MRPL28: variants seen among roughly 807,000 people sequenced by gnomAD.
MRPL28 encodes mitochondrial ribosomal protein L28.
A neutral mutation model predicts 26.2 loss-of-function variants in MRPL28; 25 were observed. The observed-to-expected ratio is 0.95, with a 90% CI of 0.69 to 1.33. MRPL28 has a LOEUF of 1.33. MRPL28 is among the 40% of genes most tolerant of loss of function. The probability of loss-of-function intolerance (pLI) is 0.00; values close to 1 mark genes in which losing one functional copy is unlikely to be tolerated. For synonymous variants in MRPL28, 227 were observed against 140.1 expected, an observed-to-expected ratio of 1.62 and a Z score of -4.38; for missense variants, 432 against 327.2, an observed-to-expected ratio of 1.32 and a Z score of -2.47.
chr16:368,804 G>C (rs2054286586), intron 3 of MRPL28, 169 bp from the exon 4 acceptor site: 2 of 1,151,698 alleles, frequency 1.7e-6, no homozygotes, highest in South Asian at 3.2e-5. Context: ...CAGCACAGAA[G>C]CAAGTCCAAG....
chr16:369,104 G>A lies in MRPL28; in HGVS notation c.405C>T (p.Ile135=), dbSNP rs138025164. 2.9e-5 allele frequency: 47 copies of A among 1,613,856 alleles called. No homozygotes were observed. Among genetic ancestry groups the A allele is most frequent in the Middle Eastern group, 1.6e-4 (1 of 6,066 alleles). ...AAAAGTCGAGCCCATAAGCCTCATC[G>A]ATGAGGTCCAGGGTCCGCATGGTCA... ...VTVTMRTLDL[I]DEAYGLDFYI... The change falls in exon 3 of 6, where the codon ATC becomes ATT. Residue 135 remains isoleucine, a synonymous_variant. Coordinates refer to ENST00000199706, the MANE Select transcript of MRPL28 (RefSeq NM_006428.5).
chr16:370,388 C>T (rs183434630), intron 1 of MRPL28, 111 bp downstream of exon 1: 2 of 396 alleles, frequency 5.1e-3, no homozygotes, highest in Non-Finnish European at 9.1e-3. Flanking sequence ...CGGCTCTCAC[C>T]CGCTACCCCC....
chr16:369,861 C>G, intron 2 of MRPL28, 70 bp downstream of exon 2: 1 of 1,542,358 alleles, frequency 6.5e-7, no homozygotes, highest in Non-Finnish European at 8.7e-7. Flanking sequence ...CCAGGTACCC[C>G]GGGCGTCCGG....
In MRPL28 at chr16:367,724, T is replaced by TGCTGCTGCA; in HGVS notation, c.713_721dup (p.Leu238_Gln240dup). ...CACCACCGCCGGCTCTGACAGTGCC[T>TGCTGCTGCA]GCTGCTGCAGCTGCTGGATCAGCTC... On this transcript the variant is annotated inframe_insertion, in exon 6 of 6. Coordinates refer to ENST00000199706, the MANE Select transcript of MRPL28 (RefSeq NM_006428.5). 6.2e-7 allele frequency: 1 copy of TGCTGCTGCA among 1,613,850 alleles called. No individual in the cohort carries two copies. The highest frequency in any genetic ancestry group is 8.5e-7 in the Non-Finnish European group (1 of 1,180,012).
chr16:368,305 T>A (rs1398116273), intron 5 of MRPL28, 23 bp downstream of exon 5: 1 of 1,611,456 alleles, frequency 6.2e-7, no homozygotes, highest in Non-Finnish European at 8.5e-7. Flanking sequence ...GCAGGCAGCA[T>A]CGGCTGGTGC....
At position 368,483 on chromosome 16, in the gene MRPL28, C is replaced by T. The variant is rs368675352; in HGVS notation, c.576+18G>A. On this transcript the variant is annotated intron_variant, in intron 4 of 5. Transcript: ENST00000199706. ...GCCACGAGTCCCCAGGTGTAGGGAG[C>T]GGGACGGAAACCCTCACCTTGTACT... 84 of 1,609,716 alleles carry T rather than the reference C, an allele frequency of 5.2e-5. 1 individual carries two copies. Among genetic ancestry groups the T allele is most frequent in the South Asian group, 3.9e-4 (35 of 90,744 alleles).
chr16:367,784 T>TGAAG lies in MRPL28; in HGVS notation c.664-6_664-3dup. 6.2e-7 allele frequency: 1 copy of TGAAG among 1,612,932 alleles called. No homozygotes were observed. Among genetic ancestry groups the TGAAG allele is most frequent in the East Asian group, 2.2e-5 (1 of 44,882 alleles). On this transcript the variant is annotated splice_region_variant and splice_polypyrimidine_tract_variant and intron_variant, in intron 5 of 5. Coordinates refer to ENST00000199706, the MANE Select transcript of MRPL28 (RefSeq NM_006428.5). ...GATCTTGAACAGGGGTACAGGGTCCTGAAGGAGAGAGGGGCTCATGGTGAG... is the reference window on the plus strand; with the variant it reads ...GATCTTGAACAGGGGTACAGGGTCCTGAAGGAAGGAGAGAGGGGCTCATGGTGAG...
rs146724574 is a variant in MRPL28, at chr16:368,526, C to T, written c.551G>A (p.Arg184Gln). ...PQLHPEDPER[R>Q]AAIYDKYKEF... ...CTTGTACTTGTCGTAGATGGCTGCC[C>T]GCCGCTCGGGGTCCTCGGGGTGCAG... Residue 184 changes from arginine (R) to glutamine (Q), a missense_variant, in exon 4 of 6, where the codon CGG becomes CAG. Coordinates refer to ENST00000199706, the MANE Select transcript of MRPL28 (RefSeq NM_006428.5). 148 of 1,594,908 alleles carry T rather than the reference C, an allele frequency of 9.3e-5. No homozygotes were observed. The highest frequency in any genetic ancestry group is 5.8e-4 in the East Asian group (26 of 44,550).
chr16:368,178 C>A (rs2054278009), intron 5 of MRPL28, 150 bp downstream of exon 5: 4 of 918,100 alleles, frequency 4.4e-6, no homozygotes, highest in Non-Finnish European at 6.8e-6. Context: ...GGGCCATGCT[C>A]CTCTGGGTGG....
rs769624940 is a variant in MRPL28, at chr16:369,098, C to T, written c.411G>A (p.Glu137=). The T allele has an allele frequency of 6.2e-6, 10 of 1,613,996 alleles. No homozygotes were observed. In the South Asian group the frequency reaches 9.9e-5, roughly 16 times the overall value. The change falls in exon 3 of 6, where the codon GAG becomes GAA. Residue 137 remains glutamate (E), a synonymous_variant. Transcript: ENST00000199706. ...VTMRTLDLID[E]AYGLDFYILK... ...GGATGTAAAAGTCGAGCCCATAAGCCTCATCGATGAGGTCCAGGGTCCGCA... is the reference window on the plus strand; with the variant it reads ...GGATGTAAAAGTCGAGCCCATAAGCTTCATCGATGAGGTCCAGGGTCCGCA...
chr16:369,194 C>A lies in MRPL28; in HGVS notation c.315G>T (p.Trp105Cys). The change falls in exon 3 of 6, where the codon TGG becomes TGT. Residue 105 changes from tryptophan to cysteine, a missense_variant. Trp to Cys is a radical substitution (Grantham distance 215). Coordinates refer to ENST00000199706, the MANE Select transcript of MRPL28 (RefSeq NM_006428.5). ...DKLSKRLKKVWKPQLFEREFY... is the reference protein window; with the variant it reads ...DKLSKRLKKVCKPQLFEREFY... ...ACTCTCGCTCAAACAGCTGTGGCTT[C>A]CACACTTTCTTCAGCCTCTTGGAGA... 1 of 1,614,008 alleles carries A rather than the reference C, an allele frequency of 6.2e-7. No individual in the cohort carries two copies. The highest frequency in any genetic ancestry group is 2.2e-5 in the East Asian group (1 of 44,882).
chr16:369,521 A>G (rs2054297609), intron 2 of MRPL28: 2 of 616,716 alleles, frequency 3.2e-6, no homozygotes, highest in South Asian at 3.3e-5. Flanking sequence ...AGGTTGTCAC[A>G]TTCCAACCTG....
chr16:369,765 A>G (rs1217476039), intron 2 of MRPL28, 166 bp downstream of exon 2: 7 of 942,608 alleles, frequency 7.4e-6, no homozygotes, highest in Admixed American at 7.0e-5. Context: ...CCTGTTTGCC[A>G]GAACTGCGGT....
At position 368,984 on chromosome 16, in the gene MRPL28, G is replaced by A. The variant is rs925308529; in HGVS notation, c.441+84C>T. On this transcript the variant is annotated intron_variant, in intron 3 of 5. Transcript: ENST00000199706. ...TCCTGTGCAGATGTCAGCGTGCCCC[G>A]GTGTGATGCTGACCTGGGGCTCCCG... 1.3e-4 allele frequency: 188 copies of A among 1,483,400 alleles called. No individual in the cohort carries two copies. The African/African-American group carries it at 1.6e-3, about 13-fold the overall frequency. 91.9% of individuals were successfully genotyped at this position (1,483,400 alleles called of 1,614,324 possible). A position where few individuals can be genotyped will look rare whatever the true frequency, so the allele number is the denominator to read the frequency against.
rs553883378 is a variant in MRPL28, at chr16:367,308, G to A, written c.*367C>T. 1.3e-3 allele frequency: 788 copies of A among 604,850 alleles called. 3 individuals are homozygous for A. The highest frequency in any genetic ancestry group is 1.8e-3 in the Non-Finnish European group (574 of 326,230). The allele number at this position is 604,850 out of a possible 1,614,324, so 37.5% of individuals were successfully genotyped here. On this transcript the variant is annotated 3_prime_UTR_variant, in exon 6 of 6. Transcript: ENST00000199706. ...CAGAGTCAATGCCCACGGCTCATCC[G>A]AGGTCTCAGGGGCAGCAAGGGCAGG...
At position 368,568 on chromosome 16, in the gene MRPL28, G is replaced by A; in HGVS notation, c.509C>T (p.Ala170Val). The A allele has an allele frequency of 1.9e-6, 3 of 1,596,972 alleles. No homozygotes were observed. The highest frequency in any genetic ancestry group is 1.1e-5 in the South Asian group (1 of 89,138). ...GGGGTGCAGCTGGGGGTCCTGCCGG[G>A]CAAGCCGCAGCAGCATCCCTCGCTT... ...DLKRGMLLRL[A>V]RQDPQLHPED... is the part of the protein sequence containing the mutation. Residue 170 changes from alanine to valine, a missense_variant, in exon 4 of 6, where the codon GCC (alanine) becomes GTC (valine). Ala to Val is a moderately conservative substitution (Grantham distance 64). Coordinates refer to ENST00000199706, the MANE Select transcript of MRPL28 (RefSeq NM_006428.5).
rs1239735564 is a variant in MRPL28 at position 368,392 on chromosome 16, T to C, written c.599A>G (p.Glu200Gly). 1 of 1,613,674 alleles carries C rather than the reference T, an allele frequency of 6.2e-7. No individual in the cohort carries two copies. The highest frequency in any genetic ancestry group is 1.3e-5 in the African/African-American group (1 of 74,978). The change falls in exon 5 of 6, where the codon GAG becomes GGG. Residue 200 changes from glutamate (E) to glycine (G), a missense_variant. Coordinates refer to ENST00000199706, the MANE Select transcript of MRPL28 (RefSeq NM_006428.5). ...CAGCGTGAGGCCCACCCACTCTGCC[T>C]CCTCCTCTGGGATGGCAAATTCCTA... is the stretch of plus-strand genomic sequence containing the variant. ...KYKEFAIPEE[E>G]AEWVGLTLEE... is the part of the protein sequence containing the mutation.
rs1567317677 is a variant in MRPL28 at position 367,396 on chromosome 16, GC to G, written c.*278del. 3 of 701,828 alleles carry G rather than the reference GC, an allele frequency of 4.3e-6. No individual in the cohort carries two copies. In the Admixed American group the frequency reaches 6.2e-5, roughly 14 times the overall value. The allele number at this position is 701,828 out of a possible 1,614,324, so 43.5% of individuals were successfully genotyped here. A position where few individuals can be genotyped will look rare whatever the true frequency, so the allele number is the denominator to read the frequency against. On this transcript the variant is annotated 3_prime_UTR_variant, in exon 6 of 6. Transcript: ENST00000199706. ...CTCAAAGCAAAGATACACACACACA[GC>G]CTGGCCCAGACTTTACTCGCTCCCG...
rs1161619307 is a variant in MRPL28 at position 370,041 on chromosome 16, C to G, written c.178G>C (p.Glu60Gln). The part of the protein sequence containing the change: ...FKINPKNGQR[E>Q]RVEDVPIPIY... ...GGAATGGGCACGTCCTCCACACGCT[C>G]CCGCTGCCCGTTCTTGGGGTTGATC... Residue 60 changes from glutamate (E) to glutamine (Q), a missense_variant, in exon 2 of 6, where the codon GAG becomes CAG. Physicochemically the swap from Glu to Gln is conservative, Grantham distance 29. Transcript: ENST00000199706. 1.9e-6 allele frequency: 3 copies of G among 1,613,118 alleles called. No homozygotes were observed. Among genetic ancestry groups the G allele is most frequent in the Non-Finnish European group, 2.5e-6 (3 of 1,179,864 alleles).
Sources: gnomAD v4.1 joint callset for allele counts on GRCh38, gnomAD v4.1.1 for gene constraint, MANE v1.5 for transcripts, NCBI Gene and HGNC (gene_info 2026-07-23, HGNC 2026-07-21) for gene names.